Variants in SLC24A2 observed in about 807,000 individuals in gnomAD.
The protein encoded by SLC24A2 is sodium/potassium/calcium exchanger 2.
SLC24A2 carries 36 observed loss-of-function variants against 62.0 expected under a neutral mutation model. That is an observed-to-expected ratio of 0.58 (90% CI 0.44 to 0.77). SLC24A2 has a LOEUF of 0.77. SLC24A2 is among the 30% of genes least tolerant of loss of function. The probability of loss-of-function intolerance (pLI) is 0.00; values close to 1 mark genes in which losing one functional copy is unlikely to be tolerated. For missense variants in SLC24A2, 846 were observed against 817.9 expected (o/e 1.03, Z -0.42); for synonymous variants, 358 against 294.0 (o/e 1.22, Z -2.23).
intron 2 of SLC24A2, among the ~76,000 whole-genome samples, chr9:19,662,446 CTTG>C (rs1363440089): frequency 6.6e-6 from 1 of 152,168 alleles, no homozygotes; most frequent in Non-Finnish European, 1.5e-5. Flanking sequence ...GACTCAAATA[CTTG>C]TTGCTTTCAG....
the SLC24A2 span, among the ~76,000 whole-genome samples, chr9:20,230,002 T>C: frequency 6.6e-6 from 1 of 151,952 alleles, no homozygotes; most frequent in South Asian, 2.1e-4. Flanking sequence ...TTTGTCCTTG[T>C]GATAGTTTGC....
At chr9:19,663,027 T>C (rs1346300717) in intron 2 of SLC24A2, among the ~76,000 whole-genome samples, 2 of 152,058 alleles carry the variant, frequency 1.3e-5, no homozygotes, top group Non-Finnish European at 2.9e-5. Flanking sequence ...TGAAAGAAAA[T>C]AGGTTTCTGA....
the SLC24A2 span, among the ~76,000 whole-genome samples, chr9:20,141,296 C>A: frequency 1.3e-5 from 2 of 152,136 alleles, no homozygotes; most frequent in Admixed American, 1.3e-4. Flanking sequence ...CCGGCCTACG[C>A]TCGCTGTCTT....
the SLC24A2 span, among the ~76,000 whole-genome samples, chr9:19,823,501 T>C: frequency 1.3e-5 from 2 of 152,086 alleles, no homozygotes; most frequent in African/African-American, 2.4e-5. Flanking sequence ...TGGTGGTGCA[T>C]GCCTGTAATC....
the SLC24A2 span, among the ~76,000 whole-genome samples, chr9:20,295,261 G>A: frequency 0.02 from 3,040 of 152,154 alleles, 40 homozygotes; most frequent in Non-Finnish European, 0.031. Flanking sequence ...TTGAAATCTT[G>A]AAAGCAGAAT....
chr9:20,026,219 G>A, the SLC24A2 span, among the ~76,000 whole-genome samples: 2 of 152,186 alleles, frequency 1.3e-5, no homozygotes, highest in Non-Finnish European at 2.9e-5. Flanking sequence ...AAAAAAAATA[G>A]GGAATGGTGC....
At chr9:20,088,121 C>T in the SLC24A2 span, among the ~76,000 whole-genome samples, 395 of 152,332 alleles carry the variant, frequency 2.6e-3, 1 homozygote, top group Admixed American at 0.019. Context: ...GTGGCTGCAA[C>T]TCTGGCAAAT....
At chr9:20,294,660 A>G in the SLC24A2 span, among the ~76,000 whole-genome samples, 1 of 152,310 alleles carries the variant, frequency 6.6e-6, no homozygotes, top group Admixed American at 6.5e-5. Context: ...TGATTTCCTT[A>G]AAGAAGAAAC....
Position 19,510,099 on chromosome 9 carries a change from T to A in SLC24A2, c.*6054A>T, listed in dbSNP as rs933100021. 1.3e-5 allele frequency: 2 copies of A among 152,150 alleles called. No individual in the cohort carries two copies. Among genetic ancestry groups the A allele is most frequent in the Non-Finnish European group, 2.9e-5 (2 of 68,022 alleles). 9.4% of individuals were successfully genotyped at this position (152,150 alleles called of 1,614,324 possible). On this transcript the variant is annotated 3_prime_UTR_variant, in exon 11 of 11. Transcript: ENST00000341998. ...AATCTAAAGTGGTGTCTCCCCAATT[T>A]TGAGTTCTTTGTGAGTCTGAGATTA...
chr9:20,278,494 A>G, the SLC24A2 span, among the ~76,000 whole-genome samples: 1 of 152,172 alleles, frequency 6.6e-6, no homozygotes, highest in East Asian at 1.9e-4. Context: ...TCTCTAGGGC[A>G]GGGTCAATAT....
At chr9:19,725,659 G>A (rs1821148717) in intron 2 of SLC24A2, among the ~76,000 whole-genome samples, 1 of 152,136 alleles carries the variant, frequency 6.6e-6, no homozygotes, top group East Asian at 1.9e-4. Context: ...GACGGTATAT[G>A]AATAAAGATT....
chr9:19,517,346 AAAAG>A (rs1251853328), intron 10 of SLC24A2, among the ~76,000 whole-genome samples: 37 of 152,206 alleles, frequency 2.4e-4, no homozygotes, highest in African/African-American at 8.0e-4. Flanking sequence ...TCTGAATGAC[AAAAG>A]CTAAGGGAGG....
At chr9:19,977,081 T>G in the SLC24A2 span, among the ~76,000 whole-genome samples, 6 of 151,880 alleles carry the variant, frequency 4.0e-5, no homozygotes, top group Non-Finnish European at 8.8e-5. Flanking sequence ...GTGACATCTT[T>G]GAACGTAGAT....
the SLC24A2 span, among the ~76,000 whole-genome samples, chr9:19,984,551 T>C: frequency 6.6e-6 from 1 of 151,890 alleles, no homozygotes; most frequent in Non-Finnish European, 1.5e-5. Flanking sequence ...ACTAAAAATA[T>C]AAAAATTAAC....
chr9:20,017,737 A>C, the SLC24A2 span, among the ~76,000 whole-genome samples: 9 of 152,130 alleles, frequency 5.9e-5, no homozygotes, highest in Non-Finnish European at 1.3e-4. Context: ...CTGATGTTTG[A>C]AGGCAGGAAG....
At chr9:20,234,314 C>T in the SLC24A2 span, among the ~76,000 whole-genome samples, 4 of 151,782 alleles carry the variant, frequency 2.6e-5, no homozygotes, top group African/African-American at 7.3e-5. Flanking sequence ...TAATATCCTG[C>T]AGAGTGTTTT....
At chr9:19,952,367 T>A in the SLC24A2 span, among the ~76,000 whole-genome samples, 1 of 152,054 alleles carries the variant, frequency 6.6e-6, no homozygotes, top group Non-Finnish European at 1.5e-5. Flanking sequence ...GTGGATATCC[T>A]TCAATTTTTC....
chr9:20,091,796 C>A, the SLC24A2 span, among the ~76,000 whole-genome samples: 1 of 152,134 alleles, frequency 6.6e-6, no homozygotes, highest in Non-Finnish European at 1.5e-5. Context: ...AAAGCAACCA[C>A]ACAATGAAGC....
chr9:19,854,306 G>T, the SLC24A2 span, among the ~76,000 whole-genome samples: 5 of 151,982 alleles, frequency 3.3e-5, no homozygotes, highest in Non-Finnish European at 7.4e-5. Flanking sequence ...ATCTCCTTCA[G>T]TTCTTCTCTG....
Sources: allele counts gnomAD v4.1 joint callset (sites outside exome capture counted in the v4.1 genomes callset), GRCh38; gene constraint gnomAD v4.1.1; transcripts MANE v1.5; gene names NCBI Gene and HGNC (gene_info 2026-07-23, HGNC 2026-07-21).